Variants in SMC6 observed in about 807,000 individuals in gnomAD.
The protein encoded by SMC6 is structural maintenance of chromosomes 6, also known as structural maintenance of chromosomes protein 6.
Under a neutral mutation model 142.2 loss-of-function variants are expected in SMC6, and 79 were observed. The ratio of observed to expected loss-of-function variants is 0.56; its 90% CI spans 0.46 to 0.67. SMC6 has a LOEUF of 0.67. Ranked by LOEUF, SMC6 falls within the 30% of genes least tolerant of loss-of-function variation. The probability of loss-of-function intolerance (pLI) is 0.00; values close to 1 mark genes in which losing one functional copy is unlikely to be tolerated. For missense variants in SMC6, 1,072 were observed against 1,284.0 expected, an observed-to-expected ratio of 0.83 and a Z score of 2.52; for synonymous variants, 411 against 412.4, an observed-to-expected ratio of 1.00 and a Z score of 0.04.
At chr2:17,671,133 C>A (rs1666740303) in intron 25 of SMC6, among the ~76,000 whole-genome samples, 1 of 151,778 alleles carries the variant, frequency 6.6e-6, no homozygotes, top group South Asian at 2.1e-4. Flanking sequence ...CTCAGCTTCC[C>A]AAAGTGCTGG....
At position 17,720,990 on chromosome 2, in the gene SMC6, T is replaced by C. The variant is rs745782612; in HGVS notation, c.895A>G (p.Ile299Val). The change falls in exon 11 of 28, where the codon ATT becomes GTT. Residue 299 changes from isoleucine (I) to valine (V), a missense_variant. Physicochemically the swap from Ile to Val is conservative, Grantham distance 29. Around this residue, in one of 3 missense-constraint regions of SMC6, gnomAD observed 994 missense variants for 1,153.2 expected, o/e 0.86. Coordinates refer to ENST00000448223, the MANE Select transcript of SMC6 (RefSeq NM_001142286.2). ...AGTCTAGCAGCACGATCTTCTCCAATTTTGATATTATCTCTGATGGCATTC... is the reference window on the plus strand; with the variant it reads ...AGTCTAGCAGCACGATCTTCTCCAACTTTGATATTATCTCTGATGGCATTC... ...QLNAIRDNIK[I>V]GEDRAARLDR... 7.1e-5 allele frequency: 114 copies of C among 1,613,674 alleles called. No homozygotes were observed. The highest frequency in any genetic ancestry group is 6.8e-4 in the South Asian group (62 of 91,072).
chr2:17,751,357 G>A (rs1671024914), intron 2 of SMC6, among the ~76,000 whole-genome samples: 2 of 151,570 alleles, frequency 1.3e-5, no homozygotes, highest in African/African-American at 4.9e-5. Flanking sequence ...GTGCATGCCT[G>A]TAATCCCAGC....
chr2:17,740,789 GCATT>G (rs1670425025), intron 4 of SMC6: 2 of 417,334 alleles, frequency 4.8e-6, no homozygotes, highest in Non-Finnish European at 9.5e-6. Context: ...GGCAGAGGTT[GCATT>G]GAGCCGAGAT....
intron 11 of SMC6, 113 bp from the exon 12 acceptor site, chr2:17,718,336 C>G (rs1186264913): frequency 4.9e-6 from 3 of 615,460 alleles, no homozygotes; most frequent in Non-Finnish European, 7.6e-6. Flanking sequence ...CTCAAGACAT[C>G]AGGCAAATAA....
chr2:17,703,717 T>C (rs906228008), intron 18 of SMC6, among the ~76,000 whole-genome samples: 3 of 152,126 alleles, frequency 2.0e-5, no homozygotes, highest in Non-Finnish European at 2.9e-5. Flanking sequence ...TATTTTCTCT[T>C]CCTTATGATT....
chr2:17,686,746 T>G (rs911559779), intron 23 of SMC6, among the ~76,000 whole-genome samples: 3 of 152,152 alleles, frequency 2.0e-5, no homozygotes, highest in Admixed American at 6.5e-5. Context: ...TACTAAGTAC[T>G]TATGTGTGAA....
Position 17,719,082 on chromosome 2 carries a change from C to T in SMC6, c.946-859G>A, listed in dbSNP as rs140978348. 3.8e-3 allele frequency among the ~76,000 whole-genome samples: 571 copies of T among 152,190 alleles called. 5 individuals carry two copies. The highest frequency in any genetic ancestry group is 6.5e-3 in the Non-Finnish European group (441 of 67,992). On this transcript the variant is annotated intron_variant, in intron 11 of 27. Transcript: ENST00000448223. ...ACTATTTCGATCGGGGTCAGCAAAC[C>T]TTTCTACAAGGAGCTAGATAGTGCA...
At chr2:17,729,410 G>T (rs1175023804) in intron 7 of SMC6, among the ~76,000 whole-genome samples, 1 of 152,182 alleles carries the variant, frequency 6.6e-6, no homozygotes, top group Admixed American at 6.5e-5. Flanking sequence ...CCCCAAGGAA[G>T]TGAGAGCTTA....
chr2:17,742,645 T>C (rs1345442335), intron 3 of SMC6, among the ~76,000 whole-genome samples: 2 of 152,312 alleles, frequency 1.3e-5, no homozygotes, highest in East Asian at 3.9e-4. Context: ...CCCGGCTCTC[T>C]TCTTCTGGAC....
chr2:17,691,904 T>C (rs1170341885), intron 23 of SMC6, among the ~76,000 whole-genome samples: 1 of 152,100 alleles, frequency 6.6e-6, no homozygotes. Context: ...TCACAAGCAT[T>C]CTTATACACC....
At chr2:17,734,649 C>G (rs78780986) in intron 5 of SMC6, among the ~76,000 whole-genome samples, 1,895 of 152,296 alleles carry the variant, frequency 0.012, 20 homozygotes, top group East Asian at 0.03. Context: ...TATCTTCATT[C>G]CTAGCTACTC....
intron 24 of SMC6, 22 bp from the exon 25 acceptor site, chr2:17,678,986 A>T: frequency 6.4e-7 from 1 of 1,558,438 alleles, no homozygotes; most frequent in Non-Finnish European, 8.8e-7. Context: ...AAAATTAGGC[A>T]CATTAAAAAG....
chr2:17,700,525 T>C, intron 20 of SMC6, 147 bp from the exon 21 acceptor site: 3 of 591,068 alleles, frequency 5.1e-6, no homozygotes, highest in Non-Finnish European at 8.1e-6. Flanking sequence ...AATATTTTTA[T>C]ACTCTTAATG....
chr2:17,738,396 A>C (rs1385660526), intron 4 of SMC6, 70 bp from the exon 5 acceptor site: 5 of 1,024,594 alleles, frequency 4.9e-6, no homozygotes, highest in Non-Finnish European at 7.1e-6. Flanking sequence ...CCTACCATGT[A>C]ATGCAAAAAG....
At position 17,676,032 on chromosome 2, in the gene SMC6, T is replaced by C. The variant is rs184609281; in HGVS notation, c.2910+2827A>G. ...TCCTCATATCTCAAACTCTGTTCAG[T>C]GTTTTCTGTTTTTATGCTGTTCAAT... On this transcript the variant is annotated intron_variant, in intron 25 of 27. Transcript: ENST00000448223. Among the ~76,000 whole-genome samples, 950 of 152,260 alleles carry C rather than the reference T, an allele frequency of 6.2e-3. 1 individual carries two copies. Among genetic ancestry groups the C allele is most frequent in the Non-Finnish European group, 0.01 (684 of 67,986 alleles).
chr2:17,745,733 CT>C, intron 3 of SMC6, 93 bp downstream of exon 3: 1 of 1,318,948 alleles, frequency 7.6e-7, no homozygotes, highest in Non-Finnish European at 1.0e-6. Context: ...AATCATATTA[CT>C]TTTTCTTGAT....
At position 17,670,570 on chromosome 2, in the gene SMC6, C is replaced by A. The variant is rs1240748709; in HGVS notation, c.2916G>T (p.Gln972His). 5.1e-6 allele frequency: 8 copies of A among 1,554,900 alleles called. No individual in the cohort carries two copies. Among genetic ancestry groups the A allele is most frequent in the Non-Finnish European group, 6.9e-6 (8 of 1,159,592 alleles). Reference protein sequence around the residue: ...HKNETLSISVQPGEGNKAAFN... With the variant: ...HKNETLSISVHPGEGNKAAFN... The stretch of plus-strand genomic sequence containing the variant: ...AAGCAGCTTTATTTCCTTCTCCAGG[C>A]TGAACCTTGAAGAGAATGAGTTGAC... Residue 972 changes from glutamine (Q) to histidine (H), a missense_variant, in exon 26 of 28, where the codon CAG becomes CAT. Gln to His is a conservative substitution (Grantham distance 24). Coordinates refer to ENST00000448223, the MANE Select transcript of SMC6 (RefSeq NM_001142286.2).
intron 16 of SMC6, chr2:17,713,299 C>T (rs373348284): frequency 3.0e-6 from 1 of 331,562 alleles, no homozygotes; most frequent in African/African-American, 2.2e-5. Flanking sequence ...CTTCCTCTCT[C>T]ATTCTCCTTG....
At chr2:17,717,034 CTTACT>C in intron 13 of SMC6, 49 bp downstream of exon 13, 1 of 1,558,192 alleles carries the variant, frequency 6.4e-7, no homozygotes, top group Non-Finnish European at 8.7e-7. Flanking sequence ...ATGCATCTAC[CTTACT>C]TTATTACAAA....
Sources: gnomAD v4.1 joint callset for allele counts (sites outside exome capture counted in the v4.1 genomes callset) on GRCh38, gnomAD v4.1.1 for gene constraint, gnomAD v4.1.1 regional missense constraint, MANE v1.5 for transcripts, NCBI Gene and HGNC (gene_info 2026-07-23, HGNC 2026-07-21) for gene names.